LMX1B: variants seen among roughly 807,000 people sequenced by gnomAD.
LMX1B encodes LIM homeobox transcription factor 1 beta, also known as LIM homeobox transcription factor 1-beta.
LMX1B carries 12 observed loss-of-function variants against 51.4 expected under a neutral mutation model. That is an observed-to-expected ratio of 0.23 (90% CI 0.15 to 0.38). The LOEUF (loss-of-function observed/expected upper bound fraction) is 0.38. Ranked by LOEUF, LMX1B falls within the 10% of genes least tolerant of loss-of-function variation. The probability of loss-of-function intolerance (pLI) is 1.00; values close to 1 mark genes in which losing one functional copy is unlikely to be tolerated. For synonymous variants in LMX1B, 237 were observed against 235.4 expected (o/e 1.01, Z -0.06); for missense variants, 445 against 571.1 (o/e 0.78, Z 2.25).
In LMX1B at chr9:126,625,766, C is replaced by T. The variant is rs1835514624; in HGVS notation, c.326+10197C>T. Among the ~76,000 whole-genome samples the T allele has an allele frequency of 6.6e-6, 1 of 152,194 alleles. No homozygotes were observed. The highest frequency in any genetic ancestry group is 2.4e-5 in the African/African-American group (1 of 41,456). On this transcript the variant is annotated intron_variant, in intron 2 of 7. Coordinates refer to ENST00000373474, the MANE Select transcript of LMX1B (RefSeq NM_001174147.2). The surrounding 1 kb of genome is among the most constrained non-coding windows in gnomAD (Gnocchi z 5.3). ...CAGGGCTTTCCTGCGGCGCTCTGGC[C>T]GCAGAGACCCAGCCCTGTCTGCCGA...
intron 2 of LMX1B, among the ~76,000 whole-genome samples, chr9:126,672,749 T>A (rs1836481952): frequency 6.6e-6 from 1 of 152,204 alleles, no homozygotes; most frequent in Admixed American, 6.5e-5. Context: ...GTCCAGGGCC[T>A]GGCCTTAGGG....
chr9:126,661,314 G>GCAGGGCGA (rs1333639467), intron 2 of LMX1B, among the ~76,000 whole-genome samples: 7 of 152,136 alleles, frequency 4.6e-5, no homozygotes, highest in Non-Finnish European at 5.9e-5. Flanking sequence ...GACGCCTCAT[G>GCAGGGCGA]CCTGGCCCCC....
chr9:126,679,210 A>G (rs1836626183), intron 2 of LMX1B, among the ~76,000 whole-genome samples: 1 of 151,770 alleles, frequency 6.6e-6, no homozygotes, highest in African/African-American at 2.4e-5. Context: ...TGAAAGTTTC[A>G]GCCCTTTCAG....
At chr9:126,651,115 C>T (rs1329114684) in intron 2 of LMX1B, among the ~76,000 whole-genome samples, 1 of 151,900 alleles carries the variant, frequency 6.6e-6, no homozygotes, top group Non-Finnish European at 1.5e-5. Context: ...GGGCCTGCCC[C>T]TCTCTCCCTC....
At chr9:126,634,888 G>A (rs1252705970) in intron 2 of LMX1B, among the ~76,000 whole-genome samples, 4 of 152,128 alleles carry the variant, frequency 2.6e-5, no homozygotes, top group Admixed American at 6.5e-5. Context: ...GTGGGCCAAA[G>A]CCCAGAGACA....
At chr9:126,620,224 TC>T (rs1835381289) in intron 2 of LMX1B, among the ~76,000 whole-genome samples, 1 of 152,112 alleles carries the variant, frequency 6.6e-6, no homozygotes, top group South Asian at 2.1e-4. Flanking sequence ...CCATTGCCTT[TC>T]CCTTCGTAGG....
intron 2 of LMX1B, among the ~76,000 whole-genome samples, chr9:126,643,736 A>T: frequency 6.6e-6 from 1 of 151,880 alleles, no homozygotes; most frequent in South Asian, 2.1e-4. Flanking sequence ...GTGTCCGTGG[A>T]CTCCCTTGTG....
rs1243165119 is a variant in LMX1B at position 126,658,881 on chromosome 9, TC to T, written c.327-31953del. On this transcript the variant is annotated intron_variant, in intron 2 of 7. Transcript: ENST00000373474. The surrounding 1 kb of genome is among the most constrained non-coding windows in gnomAD (Gnocchi z 4.0). The stretch of plus-strand genomic sequence containing the variant: ...GTTTGCTGTGGAGAGAAGGAGGACT[TC>T]CTGGGGACATGAGAAGTCCATACTG... Among the ~76,000 whole-genome samples the T allele has an allele frequency of 6.6e-6, 1 of 152,110 alleles. No individual in the cohort carries two copies. Among genetic ancestry groups the T allele is most frequent in the African/African-American group, 2.4e-5 (1 of 41,408 alleles).
chr9:126,643,200 A>G (rs573695521), intron 2 of LMX1B, among the ~76,000 whole-genome samples: 1 of 152,238 alleles, frequency 6.6e-6, no homozygotes, highest in South Asian at 2.1e-4. Flanking sequence ...TAGCTGGATC[A>G]GCTCTCAGTA....
chr9:126,641,597 C>G lies in LMX1B; in HGVS notation c.326+26028C>G, dbSNP rs1835808846. The stretch of plus-strand genomic sequence containing the variant: ...CCCAGCTGGGTTCCTCCCTGTCTTG[C>G]CACCTCCCGCTTCTGTTCAGCAGCT... On this transcript the variant is annotated intron_variant, in intron 2 of 7. Transcript: ENST00000373474. This position sits in a 1 kb window ranked among gnomAD's most constrained non-coding sequence, Gnocchi z 4.1. Among the ~76,000 whole-genome samples the G allele has an allele frequency of 6.6e-6, 1 of 152,176 alleles. No individual in the cohort carries two copies. The highest frequency in any genetic ancestry group is 2.4e-5 in the African/African-American group (1 of 41,422).
rs369414667 is a variant in LMX1B, at chr9:126,693,621, C to T, written c.819+20C>T. On this transcript the variant is annotated intron_variant, in intron 5 of 7. Coordinates refer to ENST00000373474, the MANE Select transcript of LMX1B (RefSeq NM_001174147.2). ...GCAAAGGTAAGAGGCCACCCCCCAT[C>T]CCCACTGGCCCCGGGTAGGGTGGGA... 1.2e-6 allele frequency: 2 copies of T among 1,613,552 alleles called. No individual in the cohort carries two copies. The highest frequency in any genetic ancestry group is 1.3e-5 in the African/African-American group (1 of 75,042).
Position 126,615,255 on chromosome 9 carries a change from C to T in LMX1B, c.140-128C>T. ...CCCTGGCGCGGCGGTCCGGGGAGCG[C>T]AGGCGGCAGGCGGTGATCCCGGGCG... On this transcript the variant is annotated intron_variant, in intron 1 of 7. Transcript: ENST00000373474. This position sits in a 1 kb window ranked among gnomAD's most constrained non-coding sequence, Gnocchi z 6.0. 1 of 465,180 alleles carries T rather than the reference C, an allele frequency of 2.1e-6. No homozygotes were observed. Among genetic ancestry groups the T allele is most frequent in the Non-Finnish European group, 3.1e-6 (1 of 320,900 alleles). 28.8% of individuals were successfully genotyped at this position (465,180 alleles called of 1,614,324 possible).
rs190976547 is a variant in LMX1B at position 126,687,473 on chromosome 9, G to A, written c.327-3363G>A. Among the ~76,000 whole-genome samples the A allele has an allele frequency of 7.2e-5, 11 of 152,140 alleles. No individual in the cohort carries two copies. The East Asian group carries it at 1.7e-3, about 24-fold the overall frequency. On this transcript the variant is annotated intron_variant, in intron 2 of 7. Transcript: ENST00000373474. ...TTGAACTCCTAACCTTAAGTGATCC[G>A]CCCGCCTCAGCCTCCCAAAGTGCTG...
chr9:126,676,587 C>G (rs1377301449), intron 2 of LMX1B, among the ~76,000 whole-genome samples: 7 of 152,214 alleles, frequency 4.6e-5, no homozygotes, highest in Non-Finnish European at 8.8e-5. Context: ...AGAGCATGGA[C>G]AAGGTACAGA....
At chr9:126,633,266 T>G (rs1488682879) in intron 2 of LMX1B, among the ~76,000 whole-genome samples, 1 of 152,214 alleles carries the variant, frequency 6.6e-6, no homozygotes, top group African/African-American at 2.4e-5. Context: ...CCCATGAGTC[T>G]ACATTTCCAG....
chr9:126,696,576 C>G lies in LMX1B; in HGVS notation c.*125C>G, dbSNP rs1226191626. 4.3e-6 allele frequency: 5 copies of G among 1,153,986 alleles called. No individual in the cohort carries two copies. The highest frequency in any genetic ancestry group is 6.3e-6 in the Non-Finnish European group (5 of 792,914). The allele number at this position is 1,153,986 out of a possible 1,614,324, so 71.5% of individuals were successfully genotyped here. On this transcript the variant is annotated 3_prime_UTR_variant, in exon 8 of 8. Transcript: ENST00000373474. ...ACAGACAGCCATACGGTGCCCTCCC[C>G]TCGGCCAGCTGGGCCTGACCACTGT...
At chr9:126,656,169 A>G (rs56410689) in intron 2 of LMX1B, among the ~76,000 whole-genome samples, 21,671 of 152,144 alleles carry the variant, frequency 0.14, 2,008 homozygotes, top group South Asian at 0.22. Context: ...ATATATTTTT[A>G]CCAAATTTAT....
intron 2 of LMX1B, among the ~76,000 whole-genome samples, chr9:126,672,404 G>A (rs1051497579): frequency 6.6e-6 from 1 of 152,234 alleles, no homozygotes; most frequent in Admixed American, 6.5e-5. Flanking sequence ...TGTCCTTGGC[G>A]GGACCTGTGC....
intron 2 of LMX1B, among the ~76,000 whole-genome samples, chr9:126,662,577 C>T (rs1836265961): frequency 6.6e-6 from 1 of 152,172 alleles, no homozygotes; most frequent in Non-Finnish European, 1.5e-5. Context: ...TGGGAGGCTC[C>T]CACGCCCTGC....
Sources: gnomAD v4.1 joint callset for allele counts (sites outside exome capture counted in the v4.1 genomes callset) on GRCh38, gnomAD v4.1.1 for gene constraint, Gnocchi (gnomAD v3.1) non-coding constraint, MANE v1.5 for transcripts, NCBI Gene and HGNC (gene_info 2026-07-23, HGNC 2026-07-21) for gene names.